Variants in CEP290 observed in about 807,000 individuals in gnomAD.
CEP290 encodes centrosomal protein of 290 kDa.
CEP290 carries 317 observed loss-of-function variants against 344.9 expected under a neutral mutation model. That is an observed-to-expected ratio of 0.92 (90% confidence interval 0.84 to 1.01). The LOEUF is 1.01. Ranked by LOEUF, CEP290 falls within the 50% of genes least tolerant of loss-of-function variation. The pLI is 0.00. For synonymous variants in CEP290, 932 were observed against 895.8 expected (o/e 1.04, Z -0.72); for missense variants, 2,754 against 2,761.4 (o/e 1.00, Z 0.06).
At chr12:88,131,302 C>T (rs1222773681) in intron 6 of CEP290, 84 bp from the exon 7 acceptor site, 4 of 1,043,736 alleles carry the variant, frequency 3.8e-6, no homozygotes, top group Non-Finnish European at 5.4e-6. Flanking sequence ...AAGTCTTTGT[C>T]GCCTAGGCTG....
At position 88,077,783 on chromosome 12, in the gene CEP290, T is replaced by C; in HGVS notation, c.5500A>G (p.Asn1834Asp). 6.3e-7 allele frequency: 1 copy of C among 1,577,536 alleles called. No individual in the cohort carries two copies. Among genetic ancestry groups the C allele is most frequent in the African/African-American group, 1.4e-5 (1 of 73,500 alleles). The change falls in exon 40 of 54, where the codon AAT becomes GAT. Residue 1834 changes from asparagine to aspartate, a missense_variant. Physicochemically the swap from Asn to Asp is conservative, Grantham distance 23 (BLOSUM62 1). Coordinates refer to ENST00000552810, the MANE Select transcript of CEP290 (RefSeq NM_025114.4). ...NELQKKQKAY[N>D]KILREKEEID... ...TCCTCTTTCTCTCTAAGTATTTTATTATAGGCTTTTTGTTTCTTTTGCAGT... is the reference window on the plus strand; with the variant it reads ...TCCTCTTTCTCTCTAAGTATTTTATCATAGGCTTTTTGTTTCTTTTGCAGT...
rs1362916745 is a variant in CEP290, at chr12:88,083,827, CAA to C, written c.4812+18_4812+19del. On this transcript the variant is annotated intron_variant, in intron 36 of 53. Transcript: ENST00000552810. ...TCACAAAAATCAATAAAGAATGGAA[CAA>C]AGTTCTTAGAATCTTACCCAAGCCG... The C allele has an allele frequency of 1.4e-6, 2 of 1,437,534 alleles. No homozygotes were observed. Among genetic ancestry groups the C allele is most frequent in the Non-Finnish European group, 1.9e-6 (2 of 1,047,846 alleles). The allele number at this position is 1,437,534 out of a possible 1,614,324, so 89.0% of individuals were successfully genotyped here. A position where few individuals can be genotyped will look rare whatever the true frequency, so the allele number is the denominator to read the frequency against.
chr12:88,056,279 GA>G (rs555367064), intron 49 of CEP290, among the ~76,000 whole-genome samples: 25 of 147,210 alleles, frequency 1.7e-4, no homozygotes, highest in Admixed American at 2.0e-4. Context: ...ACAGACTCCA[GA>G]AAAAAAAAAT....
intron 41 of CEP290, among the ~76,000 whole-genome samples, chr12:88,074,982 G>A (rs2035652364): frequency 2.0e-5 from 3 of 152,162 alleles, no homozygotes; most frequent in African/African-American, 7.2e-5. Context: ...TGAGTTCTGT[G>A]AGCCACTCCA....
chr12:88,130,499 C>CAACAT (rs759195436), intron 8 of CEP290, 46 bp downstream of exon 8: 2 of 1,592,688 alleles, frequency 1.3e-6, no homozygotes, highest in South Asian at 2.3e-5. Context: ...AGTGCTCTCA[C>CAACAT]AACATATTTT....
chr12:88,112,278 G>A (rs1177860347), intron 20 of CEP290, among the ~76,000 whole-genome samples: 3 of 151,994 alleles, frequency 2.0e-5, no homozygotes, highest in African/African-American at 2.4e-5. Flanking sequence ...GTCAAAATGA[G>A]GTATTTTTCT....
chr12:88,139,174 T>G lies in CEP290; in HGVS notation c.268A>C (p.Lys90Gln). 8.4e-7 allele frequency: 1 copy of G among 1,187,766 alleles called. No homozygotes were observed. Among genetic ancestry groups the G allele is most frequent in the Non-Finnish European group, 1.2e-6 (1 of 866,976 alleles). The allele number at this position is 1,187,766 out of a possible 1,614,324, so 73.6% of individuals were successfully genotyped here. ...QAKFENQLKT[K>Q]VMKLENELEM... ...AGTTCATTTTCCAGTTTCATTACTT[T>G]AGTTTTTAATTGATTTTCTATTTTT... The change falls in exon 5 of 54, where the codon AAA (lysine) becomes CAA (glutamine). Residue 90 changes from lysine to glutamine, a missense_variant. Transcript: ENST00000552810.
intron 25 of CEP290, among the ~76,000 whole-genome samples, chr12:88,105,019 A>ATCTC (rs1402859357): frequency 6.6e-6 from 1 of 152,144 alleles, no homozygotes; most frequent in East Asian, 1.9e-4. Flanking sequence ...GTCTACTGAG[A>ATCTC]GACTAGTGGC....
chr12:88,131,238 A>C lies in CEP290; in HGVS notation c.442-20T>G, dbSNP rs1463393290. 1.4e-6 allele frequency: 2 copies of C among 1,456,694 alleles called. No homozygotes were observed. The highest frequency in any genetic ancestry group is 1.8e-6 in the Non-Finnish European group (2 of 1,104,140). 90.2% of individuals were successfully genotyped at this position (1,456,694 alleles called of 1,614,324 possible). On this transcript the variant is annotated intron_variant, in intron 6 of 53. Transcript: ENST00000552810. ...AGCCAACTAAAATAGTAAAAAAAAA[A>C]AATAAATAAGAAGAAGATAAAATTC...
At chr12:88,092,256 A>C (rs1464372486) in intron 29 of CEP290, among the ~76,000 whole-genome samples, 1 of 152,184 alleles carries the variant, frequency 6.6e-6, no homozygotes, top group Admixed American at 6.5e-5. Flanking sequence ...AATGTAAACT[A>C]AATCAAAATC....
At position 88,130,324 on chromosome 12, in the gene CEP290, G is replaced by C. The variant is rs137852835; in HGVS notation, c.613C>G (p.Arg205Gly). Residue 205 changes from arginine to glycine, a missense_variant, in exon 9 of 54, where the codon CGA becomes GGA. By Grantham distance (125) the Arg-to-Gly change is moderately radical (BLOSUM62 -2). Transcript: ENST00000552810. ...TAGTTTTTTTTAGACAACTGTGATC[G>C]GTAGTCACTGTCTTCCCCTCTTCTT... Reference protein sequence around the residue: ...LSRRGEDSDYRSQLSKKNYEL... With the variant: ...LSRRGEDSDYGSQLSKKNYEL... 2 of 1,607,248 alleles carry C rather than the reference G, an allele frequency of 1.2e-6. No homozygotes were observed. Among genetic ancestry groups the C allele is most frequent in the South Asian group, 2.2e-5 (2 of 89,456 alleles).
intron 44 of CEP290, among the ~76,000 whole-genome samples, chr12:88,066,348 G>A (rs1236743313): frequency 6.6e-6 from 1 of 152,156 alleles, no homozygotes; most frequent in Non-Finnish European, 1.5e-5. Context: ...TGCCCAGTCT[G>A]GAGTGCAGTG....
chr12:88,113,555 A>G (rs1422336487), intron 20 of CEP290, among the ~76,000 whole-genome samples: 2 of 152,102 alleles, frequency 1.3e-5, no homozygotes, highest in Non-Finnish European at 2.9e-5. Flanking sequence ...TTCAATAAAT[A>G]ATAAGAATTT....
In CEP290 at chr12:88,058,995, C is replaced by T. The variant is rs1214939378; in HGVS notation, c.6671G>A (p.Arg2224Gln). 33 of 1,611,228 alleles carry T rather than the reference C, an allele frequency of 2.0e-5. No individual in the cohort carries two copies. In the East Asian group the frequency reaches 2.7e-4, roughly 13 times the overall value. The change falls in exon 49 of 54, where the codon CGG (arginine) becomes CAG (glutamine). Residue 2224 changes from arginine to glutamine, a missense_variant. Transcript: ENST00000552810. ...TATCTCTAAATTATTCTTTGCTATC[C>T]GTAATTTCTCTGCAGCATCAGTTTC... ...KKETDAAEKL[R>Q]IAKNNLEILN...
rs2036079534 is a variant in CEP290 at position 88,080,063 on chromosome 12, T to C, written c.5226+119A>G. The C allele has an allele frequency of 3.9e-5, 27 of 698,946 alleles. 1 individual carries two copies. The South Asian group carries it at 4.7e-4, about 12-fold the overall frequency. 43.3% of individuals were successfully genotyped at this position (698,946 alleles called of 1,614,324 possible). A position where few individuals can be genotyped will look rare whatever the true frequency, so the allele number is the denominator to read the frequency against. On this transcript the variant is annotated intron_variant, in intron 38 of 53. Transcript: ENST00000552810. ...GTTTAACAGCATAAGATAAAGCTCA[T>C]ACTTTTTATTACAACACGGAGATTT... is the stretch of plus-strand genomic sequence containing the variant.
intron 4 of CEP290, 88 bp downstream of exon 4, chr12:88,139,407 T>C: frequency 9.5e-6 from 7 of 738,774 alleles, no homozygotes; most frequent in Non-Finnish European, 1.4e-5. Flanking sequence ...ATATATATTT[T>C]ATAGAATATA....
chr12:88,111,528 T>C (rs939833476), intron 21 of CEP290, among the ~76,000 whole-genome samples, 166 bp downstream of exon 21: 3 of 152,218 alleles, frequency 2.0e-5, no homozygotes, highest in Admixed American at 2.0e-4. Context: ...TATAAGGCAC[T>C]TATTTTCCAC....
intron 27 of CEP290, among the ~76,000 whole-genome samples, chr12:88,095,523 ACT>A (rs1426909285): frequency 6.6e-6 from 1 of 152,180 alleles, no homozygotes; most frequent in Non-Finnish European, 1.5e-5. Flanking sequence ...TGTACGTAAT[ACT>A]CTCATGTCTT....
At chr12:88,085,814 T>A (rs1050276031) in intron 34 of CEP290, among the ~76,000 whole-genome samples, 1 of 152,168 alleles carries the variant, frequency 6.6e-6, no homozygotes, top group African/African-American at 2.4e-5. Flanking sequence ...CCTTTCATAT[T>A]CAGTGTACCG....
Sources: allele counts gnomAD v4.1 joint callset (sites outside exome capture counted in the v4.1 genomes callset), GRCh38; gene constraint gnomAD v4.1.1; transcripts MANE v1.5; gene names NCBI Gene and HGNC (gene_info 2026-07-23, HGNC 2026-07-21).